The following MBTD1 variants were observed in gnomAD, a reference collection of about 807,000 sequenced individuals.
The protein encoded by MBTD1 is MBT domain-containing protein 1.
MBTD1 carries 24 observed loss-of-function variants against 87.8 expected under a neutral mutation model. The ratio of observed to expected loss-of-function variants is 0.27; its 90% CI spans 0.20 to 0.38. The LOEUF is 0.38. Ranked by LOEUF, MBTD1 falls within the 10% of genes least tolerant of loss-of-function variation. The pLI, the probability that MBTD1 is intolerant of heterozygous loss-of-function variation, is 1.00. For synonymous variants in MBTD1, 237 were observed against 248.6 expected (o/e 0.95, Z 0.44); for missense variants, 436 against 760.2 (o/e 0.57, Z 5.02).
chr17:51,220,033 G>A (rs2143610466), intron 4 of MBTD1, among the ~76,000 whole-genome samples: 1 of 152,284 alleles, frequency 6.6e-6, no homozygotes, highest in East Asian at 1.9e-4. Context: ...GGGGAAACAG[G>A]AAAATGTCTT....
At chr17:51,201,561 C>G in intron 12 of MBTD1, 31 bp downstream of exon 12, 1 of 1,394,736 alleles carries the variant, frequency 7.2e-7, no homozygotes. Context: ...CCTATAATTG[C>G]ATTTCTATAT....
intron 6 of MBTD1, among the ~76,000 whole-genome samples, chr17:51,210,510 C>T (rs1202198458): frequency 6.6e-6 from 1 of 151,208 alleles, no homozygotes; most frequent in African/African-American, 2.4e-5. Context: ...AATCCCAGCA[C>T]TTTGGGAGGC....
intron 2 of MBTD1, among the ~76,000 whole-genome samples, chr17:51,231,861 GT>G (rs888347639): frequency 2.4e-4 from 35 of 146,892 alleles, no homozygotes; most frequent in East Asian, 1.4e-3. Flanking sequence ...ACTTATCTAA[GT>G]TTTTTTTTTA....
intron 2 of MBTD1, among the ~76,000 whole-genome samples, chr17:51,228,291 T>A (rs2053346124): frequency 6.6e-6 from 1 of 152,022 alleles, no homozygotes; most frequent in African/African-American, 2.4e-5. Flanking sequence ...AGGCTTAGTA[T>A]CTGGGTGATG....
intron 2 of MBTD1, among the ~76,000 whole-genome samples, chr17:51,230,653 G>A (rs1391613913): frequency 2.0e-5 from 3 of 152,194 alleles, no homozygotes; most frequent in South Asian, 2.1e-4. Flanking sequence ...AAAGGGAAGT[G>A]CAAGACGAGG....
At chr17:51,250,085 T>G (rs1019442211) in intron 2 of MBTD1, 64 of 149,032 alleles carry the variant, frequency 4.3e-4, no homozygotes, top group Non-Finnish European at 1.2e-4. Context: ...TTTTTTTTTT[T>G]GTAGAGACTG....
chr17:51,180,751 G>A, intron 16 of MBTD1, 57 bp from the exon 17 acceptor site: 1 of 878,124 alleles, frequency 1.1e-6, no homozygotes, highest in Non-Finnish European at 1.8e-6. Context: ...TACTCGGATT[G>A]CCTGTGATCT....
intron 12 of MBTD1, among the ~76,000 whole-genome samples, chr17:51,200,244 T>C (rs1326775301): frequency 1.2e-4 from 19 of 152,130 alleles, no homozygotes; most frequent in Admixed American, 1.2e-3. Flanking sequence ...TGGCTGTACA[T>C]GATATTCACC....
intron 2 of MBTD1, among the ~76,000 whole-genome samples, chr17:51,238,408 A>C (rs1049150932): frequency 2.8e-4 from 43 of 152,246 alleles, no homozygotes; most frequent in African/African-American, 9.2e-4. Flanking sequence ...AAAGTAACCA[A>C]GAAAGAGGAA....
chr17:51,195,755 G>C (rs1367020527), intron 12 of MBTD1, among the ~76,000 whole-genome samples: 1 of 152,210 alleles, frequency 6.6e-6, no homozygotes, highest in Non-Finnish European at 1.5e-5. Flanking sequence ...CACATACAGA[G>C]TTTTTACAAA....
intron 8 of MBTD1, 108 bp from the exon 9 acceptor site, chr17:51,203,336 C>A: frequency 1.6e-6 from 1 of 614,840 alleles, no homozygotes; most frequent in Non-Finnish European, 2.7e-6. Flanking sequence ...TATTAACATT[C>A]TGAAAAGTAA....
chr17:51,193,085 G>C, intron 14 of MBTD1, 69 bp from the exon 15 acceptor site: 24 of 991,680 alleles, frequency 2.4e-5, no homozygotes, highest in South Asian at 4.5e-5. Flanking sequence ...CTATCACTAA[G>C]AAAGCAAAAA....
chr17:51,188,382 G>A (rs2050642581), intron 16 of MBTD1, among the ~76,000 whole-genome samples: 1 of 152,172 alleles, frequency 6.6e-6, no homozygotes, highest in Non-Finnish European at 1.5e-5. Flanking sequence ...CTAGACCAAT[G>A]AAGCTCATCA....
At position 51,259,280 on chromosome 17, in the gene MBTD1, T is replaced by TA. The variant is rs1022462678; in HGVS notation, c.-112-75dup. The stretch of plus-strand genomic sequence containing the variant: ...GAAGTCCACCGACTTGAAACCCTTT[T>TA]AAATATGCAGCCTTGGAGGCTGCTT... On this transcript the variant is annotated intron_variant, in intron 1 of 16. Transcript: ENST00000586178. 3.2e-5 allele frequency: 39 copies of TA among 1,230,788 alleles called. No individual in the cohort carries two copies. In the African/African-American group the frequency reaches 5.7e-4, roughly 18 times the overall value. 76.2% of individuals were successfully genotyped at this position (1,230,788 alleles called of 1,614,324 possible). A position where few individuals can be genotyped will look rare whatever the true frequency, so the allele number is the denominator to read the frequency against.
chr17:51,222,122 AG>A (rs1420016174), intron 3 of MBTD1, among the ~76,000 whole-genome samples: 1 of 152,236 alleles, frequency 6.6e-6, no homozygotes, highest in Non-Finnish European at 1.5e-5. Context: ...ATGTCAAACT[AG>A]AATTCCCACA....
At chr17:51,187,808 C>T (rs550344473) in intron 16 of MBTD1, among the ~76,000 whole-genome samples, 1 of 149,226 alleles carries the variant, frequency 6.7e-6, no homozygotes, top group South Asian at 2.1e-4. Flanking sequence ...GACAGTGCAC[C>T]ACTGCACTCC....
At chr17:51,205,088 C>T (rs1383801136) in intron 7 of MBTD1, among the ~76,000 whole-genome samples, 1 of 151,932 alleles carries the variant, frequency 6.6e-6, no homozygotes, top group East Asian at 1.9e-4. Context: ...TAAAAGATTA[C>T]GATTTAATTT....
chr17:51,231,174 G>A (rs2053530970), intron 2 of MBTD1, among the ~76,000 whole-genome samples: 1 of 152,166 alleles, frequency 6.6e-6, no homozygotes, highest in Non-Finnish European at 1.5e-5. Context: ...CTGACCTTGT[G>A]ATCTGCCCGC....
intron 16 of MBTD1, chr17:51,184,732 T>C (rs1375812015): frequency 6.6e-6 from 1 of 152,026 alleles, no homozygotes; most frequent in Non-Finnish European, 1.5e-5. Flanking sequence ...ACATCCAAGA[T>C]CCAATAAAAG....
Sources: gnomAD v4.1 joint callset for allele counts (sites outside exome capture counted in the v4.1 genomes callset) on GRCh38, gnomAD v4.1.1 for gene constraint, MANE v1.5 for transcripts, NCBI Gene and HGNC (gene_info 2026-07-23, HGNC 2026-07-21) for gene names.